Variants in UBAP1 observed in about 807,000 individuals in gnomAD.
UBAP1 encodes the protein ubiquitin-associated protein 1.
Under a neutral mutation model 39.0 loss-of-function variants are expected in UBAP1, and 5 were observed. That is an observed-to-expected ratio of 0.13 (90% CI 0.07 to 0.27). UBAP1 has a LOEUF of 0.27. Ranked by LOEUF, UBAP1 falls within the 10% of genes least tolerant of loss-of-function variation. UBAP1 has a pLI of 1.00. For synonymous variants in UBAP1, 211 were observed against 225.1 expected (o/e 0.94, Z 0.56); for missense variants, 490 against 608.1 (o/e 0.81, Z 2.04).
intron 1 of UBAP1, among the ~76,000 whole-genome samples, chr9:34,200,635 A>G (rs1261669647): frequency 6.6e-6 from 1 of 152,208 alleles, no homozygotes; most frequent in Non-Finnish European, 1.5e-5. Flanking sequence ...TGAATGTAAA[A>G]CATCTAAGTT....
At chr9:34,198,841 C>G (rs1316516933) in intron 1 of UBAP1, among the ~76,000 whole-genome samples, 1 of 152,188 alleles carries the variant, frequency 6.6e-6, no homozygotes. Context: ...CAGGGGATCA[C>G]TCTCTGGCCC....
chr9:34,238,546 A>G (rs1833813078), intron 3 of UBAP1, among the ~76,000 whole-genome samples: 1 of 152,148 alleles, frequency 6.6e-6, no homozygotes, highest in East Asian at 1.9e-4. Flanking sequence ...CATTATATAC[A>G]TTCTTGTGGG....
chr9:34,226,632 C>T (rs1833122871), intron 2 of UBAP1, among the ~76,000 whole-genome samples: 1 of 152,086 alleles, frequency 6.6e-6, no homozygotes, highest in African/African-American at 2.4e-5. Context: ...TTGCTTAAGC[C>T]TGGGAGTTCA....
At chr9:34,226,968 C>T (rs1025866007) in intron 2 of UBAP1, among the ~76,000 whole-genome samples, 1 of 152,104 alleles carries the variant, frequency 6.6e-6, no homozygotes, top group Non-Finnish European at 1.5e-5. Flanking sequence ...CCATTAGACC[C>T]TTTAACATAT....
Position 34,188,872 on chromosome 9 carries a change from G to A in UBAP1, c.-8+9632G>A, listed in dbSNP as rs543552234. ...CTCAGGAGGCTGAGGCAGGAGAATT[G>A]CTTGAAGCCGGGAGGCAGAGGTTTC... On this transcript the variant is annotated intron_variant, in intron 1 of 6. Coordinates refer to ENST00000297661, the MANE Select transcript of UBAP1 (RefSeq NM_016525.5). Among the ~76,000 whole-genome samples the A allele has an allele frequency of 2.0e-5, 3 of 152,190 alleles. No individual in the cohort carries two copies. In the East Asian group the frequency reaches 5.8e-4, roughly 30 times the overall value.
chr9:34,218,395 A>T (rs574761367), intron 1 of UBAP1, among the ~76,000 whole-genome samples: 1 of 151,678 alleles, frequency 6.6e-6, no homozygotes, highest in African/African-American at 2.4e-5. Context: ...TAAATCAAAG[A>T]CTCAGCCTCT....
intron 1 of UBAP1, among the ~76,000 whole-genome samples, 157 bp from the exon 2 acceptor site, chr9:34,220,751 C>T (rs1188331707): frequency 1.3e-5 from 2 of 152,178 alleles, no homozygotes; most frequent in African/African-American, 4.8e-5. Context: ...GCATGAGCCA[C>T]AGTGCCTGGA....
intron 4 of UBAP1, among the ~76,000 whole-genome samples, chr9:34,246,367 T>TA: frequency 6.6e-6 from 1 of 152,352 alleles, no homozygotes; most frequent in East Asian, 1.9e-4. Flanking sequence ...CTCCTGGCCT[T>TA]AGTTTGTTTA....
At chr9:34,196,912 G>GTC (rs1336587437) in intron 1 of UBAP1, among the ~76,000 whole-genome samples, 4 of 148,464 alleles carry the variant, frequency 2.7e-5, no homozygotes, top group Admixed American at 6.7e-5. Context: ...GTGTGTGTGT[G>GTC]TGTGTGTGTG....
At chr9:34,179,380 G>T in intron 1 of UBAP1, 140 bp downstream of exon 1, 1 of 617,788 alleles carries the variant, frequency 1.6e-6, no homozygotes, top group Non-Finnish European at 2.3e-6. Context: ...GGGAAAAGTG[G>T]CCGGAGATCC....
intron 4 of UBAP1, among the ~76,000 whole-genome samples, chr9:34,248,211 T>G (rs1834277536): frequency 6.6e-6 from 1 of 152,068 alleles, no homozygotes; most frequent in African/African-American, 2.4e-5. Flanking sequence ...GATTTTTGTA[T>G]TTTTAGTAGA....
chr9:34,238,091 T>C (rs1040771869), intron 3 of UBAP1, among the ~76,000 whole-genome samples: 6 of 152,022 alleles, frequency 3.9e-5, no homozygotes, highest in African/African-American at 1.4e-4. Context: ...TCTGGCCATT[T>C]CATATAAATG....
intron 1 of UBAP1, among the ~76,000 whole-genome samples, chr9:34,188,205 A>G (rs1248558674): frequency 3.8e-5 from 5 of 130,574 alleles, no homozygotes; most frequent in Non-Finnish European, 8.4e-5. Context: ...TACAACACAA[A>G]TACTGTTTAT....
Position 34,249,645 on chromosome 9 carries a change from C to T in UBAP1, c.1084-134C>T, listed in dbSNP as rs772259720. Reference sequence around the variant, plus strand: ...TCAGGGTGTCTGACCAGCAACCTGGCGATTTCTTCCAACCTGACCGCTTTT... The same window carrying T: ...TCAGGGTGTCTGACCAGCAACCTGGTGATTTCTTCCAACCTGACCGCTTTT... On this transcript the variant is annotated intron_variant, in intron 4 of 6. Coordinates refer to ENST00000297661, the MANE Select transcript of UBAP1 (RefSeq NM_016525.5). The T allele has an allele frequency of 2.4e-5, 19 of 801,400 alleles. 1 individual carries two copies. The Middle Eastern group carries it at 9.7e-4, about 41-fold the overall frequency. The allele number at this position is 801,400 out of a possible 1,614,324, so 49.6% of individuals were successfully genotyped here.
chr9:34,221,036 C>T, intron 2 of UBAP1, 88 bp downstream of exon 2: 1 of 1,138,844 alleles, frequency 8.8e-7, no homozygotes, highest in East Asian at 2.4e-5. Flanking sequence ...ACAAGTGCCC[C>T]TTTTTGTCTC....
intron 3 of UBAP1, among the ~76,000 whole-genome samples, chr9:34,240,274 T>C (rs1464136523): frequency 6.6e-6 from 1 of 152,218 alleles, no homozygotes; most frequent in African/African-American, 2.4e-5. Context: ...GCTTCTCTTT[T>C]GTTGTTTGAA....
rs1393989584 is a variant in UBAP1 at position 34,251,575 on chromosome 9, G to A, written c.*43G>A. The stretch of plus-strand genomic sequence containing the variant: ...GCCCTGCCGCAGAACCACCATCCCT[G>A]GGAGGCCCTGCAGAGCCCACCTGTG... On this transcript the variant is annotated 3_prime_UTR_variant, in exon 7 of 7. Transcript: ENST00000297661. 2 of 1,602,888 alleles carry A rather than the reference G, an allele frequency of 1.2e-6. No individual in the cohort carries two copies. Among genetic ancestry groups the A allele is most frequent in the East Asian group, 2.2e-5 (1 of 44,742 alleles).
intron 1 of UBAP1, among the ~76,000 whole-genome samples, chr9:34,198,195 G>A (rs1297068634): frequency 1.3e-5 from 2 of 152,238 alleles, no homozygotes; most frequent in Non-Finnish European, 1.5e-5. Context: ...TGGGAGGGCT[G>A]CAGGCTGTAC....
chr9:34,181,116 C>CTTTTTT lies in UBAP1; in HGVS notation c.-8+1888_-8+1893dup, dbSNP rs67856544. Among the ~76,000 whole-genome samples, 243 of 72,246 alleles carry CTTTTTT rather than the reference C, an allele frequency of 3.4e-3. 15 individuals carry two copies. The highest frequency in any genetic ancestry group is 0.012 in the African/African-American group (220 of 18,954). The allele number at this position is 72,246 out of a possible 152,430, so 47.4% of individuals were successfully genotyped here. ...TGAGCCACCGCACCCGGCCTGTTTTCTTTTTTTTTTTTTTTTTGAGACAGA... is the reference window on the plus strand; with the variant it reads ...TGAGCCACCGCACCCGGCCTGTTTTCTTTTTTTTTTTTTTTTTTTTTTTGAGACAGA... On this transcript the variant is annotated intron_variant, in intron 1 of 6. Transcript: ENST00000297661.
Sources: gnomAD v4.1 joint callset for allele counts (sites outside exome capture counted in the v4.1 genomes callset) on GRCh38, gnomAD v4.1.1 for gene constraint, MANE v1.5 for transcripts, NCBI Gene and HGNC (gene_info 2026-07-23, HGNC 2026-07-21) for gene names.